TP73: variants seen among roughly 807,000 people sequenced by gnomAD.
TP73 encodes tumor protein p73.
In TP73, 25 loss-of-function variants were observed where a neutral mutation model predicts 62.5. That is an observed-to-expected ratio of 0.40 (90% CI 0.29 to 0.56). The LOEUF (loss-of-function observed/expected upper bound fraction) is 0.56, where lower values mean the gene tolerates loss of function less well. Among genes scored for constraint, TP73 ranks in the 20% least tolerant of loss-of-function variants. The pLI is 0.46. For synonymous variants in TP73, 423 were observed against 377.5 expected, an observed-to-expected ratio of 1.12 and a Z score of -1.40; for missense variants, 754 against 913.3, an observed-to-expected ratio of 0.83 and a Z score of 2.25.
At position 3,699,779 on chromosome 1, in the gene TP73, G is replaced by A. The variant is rs753322489; in HGVS notation, c.187-7770G>A. On this transcript the variant is annotated intron_variant, in intron 3 of 13. Transcript: ENST00000378295. The surrounding 1 kb of genome is among the most constrained non-coding windows in gnomAD (Gnocchi z 4.1). ...GAGAGGTGACAGGAGCGAGGGAGGC[G>A]GAGGTGGAGCTGGGGAGGGGCCAGC... Among the ~76,000 whole-genome samples the A allele has an allele frequency of 7.2e-5, 11 of 152,172 alleles. No homozygotes were observed. The highest frequency in any genetic ancestry group is 8.8e-5 in the Non-Finnish European group (6 of 68,024).
rs555605409 is a variant in TP73 at position 3,696,723 on chromosome 1, C to A, written c.187-10826C>A. ...GGATTGCTGAGCATGGCCAAGGGAG[C>A]CCTCAGCATCCTCTCCAGGCCTTGT... On this transcript the variant is annotated intron_variant, in intron 3 of 13. Transcript: ENST00000378295. This position sits in a 1 kb window ranked among gnomAD's most constrained non-coding sequence, Gnocchi z 4.1. 6.6e-6 allele frequency among the ~76,000 whole-genome samples: 1 copy of A among 152,166 alleles called. No individual in the cohort carries two copies. The highest frequency in any genetic ancestry group is 1.9e-4 in the East Asian group (1 of 5,160).
chr1:3,663,671 G>A lies in TP73; in HGVS notation c.-34+11030G>A, dbSNP rs945062668. On this transcript the variant is annotated intron_variant, in intron 1 of 13. Coordinates refer to ENST00000378295, the MANE Select transcript of TP73 (RefSeq NM_005427.4). The surrounding 1 kb of genome is among the most constrained non-coding windows in gnomAD (Gnocchi z 4.7). ...GTGGAGCTTGCAGTGAGCCAAGATC[G>A]TGCAACAATGCGAGACTCCATCTCA... Among the ~76,000 whole-genome samples, 5 of 149,212 alleles carry A rather than the reference G, an allele frequency of 3.4e-5. No homozygotes were observed. The highest frequency in any genetic ancestry group is 2.0e-4 in the East Asian group (1 of 5,086).
At chr1:3,673,395 TCAATGGCAACTCGATACGGTTTATGGGG>T (rs1327596122) in intron 1 of TP73, among the ~76,000 whole-genome samples, 12 of 152,214 alleles carry the variant, frequency 7.9e-5, no homozygotes, top group Admixed American at 1.3e-4. Flanking sequence ...TAACCGTCGG[TCAATGGCAACTCGATACGGTTTATGGGG>T]CATCCACGGT....
At chr1:3,655,915 C>T (rs193298004) in intron 1 of TP73, among the ~76,000 whole-genome samples, 13 of 152,178 alleles carry the variant, frequency 8.5e-5, no homozygotes, top group Non-Finnish European at 1.8e-4. Flanking sequence ...CAGTGGCTCA[C>T]GCCTGTAATC....
intron 3 of TP73, among the ~76,000 whole-genome samples, chr1:3,705,424 C>A (rs1397719188): frequency 6.6e-6 from 1 of 152,238 alleles, no homozygotes; most frequent in Non-Finnish European, 1.5e-5. Flanking sequence ...GTGGGCAGGG[C>A]CCGTGCTGCA....
In TP73 at chr1:3,677,556, C is replaced by T. The variant is rs549657268; in HGVS notation, c.-33-4777C>T. Among the ~76,000 whole-genome samples, 21 of 152,266 alleles carry T rather than the reference C, an allele frequency of 1.4e-4. No homozygotes were observed. The South Asian group carries it at 4.1e-3, about 30-fold the overall frequency. ...TGATGGTGCCAGGGCTGGGGGGGTG[C>T]CGGCCAGCAGCTCCCCAATGACCAC... On this transcript the variant is annotated intron_variant, in intron 1 of 13. Transcript: ENST00000378295.
intron 1 of TP73, among the ~76,000 whole-genome samples, chr1:3,655,832 G>T (rs1005524069): frequency 1.6e-4 from 24 of 152,274 alleles, no homozygotes; most frequent in Middle Eastern, 6.8e-3. Flanking sequence ...TACACAGGAT[G>T]CCTCGAAAAT....
At position 3,696,529 on chromosome 1, in the gene TP73, G is replaced by A. The variant is rs970502233; in HGVS notation, c.187-11020G>A. Among the ~76,000 whole-genome samples the A allele has an allele frequency of 4.6e-5, 7 of 151,726 alleles. No individual in the cohort carries two copies. The highest frequency in any genetic ancestry group is 9.7e-5 in the African/African-American group (4 of 41,262). ...GCTGGAGCTGAGCACTGGGCACTAC[G>A]ACATCCGAGACACCAAGCAGAGGGG... On this transcript the variant is annotated intron_variant, in intron 3 of 13. Coordinates refer to ENST00000378295, the MANE Select transcript of TP73 (RefSeq NM_005427.4). This position sits in a 1 kb window ranked among gnomAD's most constrained non-coding sequence, Gnocchi z 4.1.
Position 3,727,757 on chromosome 1 carries a change from C to A in TP73, c.972C>A (p.Ala324=). 6.5e-7 allele frequency: 1 copy of A among 1,542,270 alleles called. No homozygotes were observed. Residue 324 remains alanine, a synonymous_variant, in exon 8 of 14, where the codon GCC becomes GCA. Transcript: ENST00000378295. Reference sequence around the variant, plus strand: ...ACGAGAGCTCCGCCAAGAACGGGGCCGCCAGCAAGCGTGGTGAGCGGCCGG... The same window carrying A: ...ACGAGAGCTCCGCCAAGAACGGGGCAGCCAGCAAGCGTGGTGAGCGGCCGG... The part of the protein sequence containing the change: ...ALNESSAKNG[A]ASKRAFKQSP...
rs1048813895 is a variant in TP73 at position 3,699,333 on chromosome 1, C to T, written c.187-8216C>T. Among the ~76,000 whole-genome samples, 11 of 152,220 alleles carry T rather than the reference C, an allele frequency of 7.2e-5. No homozygotes were observed. The highest frequency in any genetic ancestry group is 1.9e-4 in the African/African-American group (8 of 41,540). Reference sequence around the variant, plus strand: ...TGGGGCCCAAGTTCAGACATGCCCACGAGAGATCAGGGAGTTTGAGGAGCG... The same window carrying T: ...TGGGGCCCAAGTTCAGACATGCCCATGAGAGATCAGGGAGTTTGAGGAGCG... On this transcript the variant is annotated intron_variant, in intron 3 of 13. Transcript: ENST00000378295. The surrounding 1 kb of genome is among the most constrained non-coding windows in gnomAD (Gnocchi z 4.1).
At chr1:3,700,863 A>C (rs1053583046) in intron 3 of TP73, among the ~76,000 whole-genome samples, 2 of 152,368 alleles carry the variant, frequency 1.3e-5, no homozygotes, top group African/African-American at 4.8e-5. Context: ...CAAAACCACA[A>C]AATCCAACTT....
At position 3,722,203 on chromosome 1, in the gene TP73, C is replaced by T. The variant is rs61747512; in HGVS notation, c.612C>T (p.Asn204=). 0.015 allele frequency: 24,470 copies of T among 1,612,468 alleles called. 198 individuals are homozygous for T. Among genetic ancestry groups the T allele is most frequent in the Non-Finnish European group, 0.018 (20,884 of 1,179,750 alleles). ...CPNHELGRDF[N]EGQSAPASHL... ...ACCACGAGCTCGGGAGGGACTTCAA[C>T]GAAGGTGAGGGCCCCCAGCTCCTCT... Residue 204 remains asparagine, a synonymous_variant, in exon 5 of 14, where the codon AAC becomes AAT. Coordinates refer to ENST00000378295, the MANE Select transcript of TP73 (RefSeq NM_005427.4).
At chr1:3,691,091 G>GCCAA in intron 3 of TP73, 1 of 1,212,458 alleles carries the variant, frequency 8.2e-7, no homozygotes, top group Non-Finnish European at 1.2e-6. Flanking sequence ...AGGAAGGGAG[G>GCCAA]CGTTGAGGGG....
At chr1:3,706,145 C>A (rs1245488096) in intron 3 of TP73, among the ~76,000 whole-genome samples, 5 of 152,194 alleles carry the variant, frequency 3.3e-5, no homozygotes, top group Non-Finnish European at 7.4e-5. Flanking sequence ...CTGGCTCTGC[C>A]CCTTCCTGCC....
chr1:3,674,933 T>TCTGGGTC (rs1276588891), intron 1 of TP73, among the ~76,000 whole-genome samples: 1 of 152,204 alleles, frequency 6.6e-6, no homozygotes, highest in African/African-American at 2.4e-5. Flanking sequence ...TCTTCTGGGT[T>TCTGGGTC]CTGGGTCCTG....
At position 3,701,419 on chromosome 1, in the gene TP73, G is replaced by A. The variant is rs1056287328; in HGVS notation, c.187-6130G>A. ...ATTGGTTCCAGGAGGGCTCCCGGGC[G>A]AGAGTCACTTCCGATGAAGTCTCAG... is the stretch of plus-strand genomic sequence containing the variant. On this transcript the variant is annotated intron_variant, in intron 3 of 13. Coordinates refer to ENST00000378295, the MANE Select transcript of TP73 (RefSeq NM_005427.4). This position sits in a 1 kb window ranked among gnomAD's most constrained non-coding sequence, Gnocchi z 4.7. Among the ~76,000 whole-genome samples the A allele has an allele frequency of 1.3e-5, 2 of 152,150 alleles. No individual in the cohort carries two copies. Among genetic ancestry groups the A allele is most frequent in the Admixed American group, 6.5e-5 (1 of 15,270 alleles).
In TP73 at chr1:3,672,158, T is replaced by C. The variant is rs1187475002; in HGVS notation, c.-33-10175T>C. Among the ~76,000 whole-genome samples the C allele has an allele frequency of 1.3e-5, 2 of 151,828 alleles. No homozygotes were observed. The highest frequency in any genetic ancestry group is 4.8e-5 in the African/African-American group (2 of 41,332). The stretch of plus-strand genomic sequence containing the variant: ...AGCCCAGAGCCAGGGGTGAGGGGTA[T>C]GTGTAGGGTGGGGACATCTCAGAGT... On this transcript the variant is annotated intron_variant, in intron 1 of 13. Transcript: ENST00000378295. The surrounding 1 kb of genome is among the most constrained non-coding windows in gnomAD (Gnocchi z 5.3).
At chr1:3,677,803 C>G (rs1364696678) in intron 1 of TP73, among the ~76,000 whole-genome samples, 1 of 151,600 alleles carries the variant, frequency 6.6e-6, no homozygotes, top group Non-Finnish European at 1.5e-5. Flanking sequence ...AAGTGATTCT[C>G]CCACCTCAGC....
chr1:3,677,691 T>TTA (rs1645405284), intron 1 of TP73, among the ~76,000 whole-genome samples: 1 of 122,486 alleles, frequency 8.2e-6, no homozygotes, highest in Non-Finnish European at 1.6e-5. Context: ...CTTCCTTCCC[T>TTA]TTTTTTTTTT....
Sources: gnomAD v4.1 joint callset for allele counts (sites outside exome capture counted in the v4.1 genomes callset) on GRCh38, gnomAD v4.1.1 for gene constraint, Gnocchi (gnomAD v3.1) non-coding constraint, MANE v1.5 for transcripts, NCBI Gene and HGNC (gene_info 2026-07-23, HGNC 2026-07-21) for gene names.